LINGO2: variants seen among roughly 807,000 people sequenced by gnomAD.
LINGO2 encodes leucine-rich repeat and immunoglobulin-like domain-containing nogo receptor-interacting protein 2.
LINGO2 carries 14 observed loss-of-function variants against 30.6 expected under a neutral mutation model. That is an observed-to-expected ratio of 0.46 (90% CI 0.30 to 0.72). The LOEUF (loss-of-function observed/expected upper bound fraction) is 0.72, where lower values mean the gene tolerates loss of function less well. Ranked by LOEUF, LINGO2 falls within the 30% of genes least tolerant of loss-of-function variation. LINGO2 has a pLI of 0.07. For synonymous variants in LINGO2, 317 were observed against 288.5 expected (o/e 1.10, Z -1.00); for missense variants, 729 against 751.7 (o/e 0.97, Z 0.35).
chr9:29,052,422 T>C, the LINGO2 span, among the ~76,000 whole-genome samples: 1 of 152,180 alleles, frequency 6.6e-6, no homozygotes, highest in Non-Finnish European at 1.5e-5. Context: ...TGAAGTCACA[T>C]AATAAGCATC....
At chr9:29,164,107 G>GAAA in the LINGO2 span, among the ~76,000 whole-genome samples, 1 of 144,682 alleles carries the variant, frequency 6.9e-6, no homozygotes. Flanking sequence ...CTACATGGAG[G>GAAA]AAAAAAAAAA....
At chr9:28,235,196 T>G (rs1476821569) in intron 4 of LINGO2, among the ~76,000 whole-genome samples, 1 of 152,190 alleles carries the variant, frequency 6.6e-6, no homozygotes, top group Non-Finnish European at 1.5e-5. Flanking sequence ...TCTCTACATT[T>G]GGGAGAAAGT....
At chr9:29,037,730 C>A in the LINGO2 span, among the ~76,000 whole-genome samples, 8 of 151,848 alleles carry the variant, frequency 5.3e-5, no homozygotes, top group Admixed American at 5.3e-4. Flanking sequence ...TATTTTCTTA[C>A]ATTAAAAAGC....
the LINGO2 span, among the ~76,000 whole-genome samples, chr9:28,817,885 T>C: frequency 2.3e-3 from 357 of 152,330 alleles, 1 homozygote; most frequent in Admixed American, 6.9e-3. Flanking sequence ...TACTCACAAG[T>C]TGACTGTTGA....
the LINGO2 span, among the ~76,000 whole-genome samples, chr9:28,882,020 C>T: frequency 2.0e-5 from 3 of 152,146 alleles, no homozygotes; most frequent in Admixed American, 6.6e-5. Context: ...CATTTTAAAT[C>T]TGAAGCACAC....
rs561616983 is a variant in LINGO2 at position 28,629,763 on chromosome 9, A to C, written c.-365+40437T>G. On this transcript the variant is annotated intron_variant, in intron 1 of 5. Coordinates refer to ENST00000379992, the Ensembl canonical transcript of LINGO2. ...GGATACTTTAAAGAAAACTAAGATA[A>C]AAGGCATATAAATGGGTTCAGAAAA... Among the ~76,000 whole-genome samples, 63 of 152,214 alleles carry C rather than the reference A, an allele frequency of 4.1e-4. 1 individual carries two copies. Among genetic ancestry groups the C allele is most frequent in the African/African-American group, 1.5e-3 (61 of 41,544 alleles).
chr9:28,557,279 T>A (rs1042350994), intron 1 of LINGO2, among the ~76,000 whole-genome samples: 102 of 151,776 alleles, frequency 6.7e-4, no homozygotes, highest in Non-Finnish European at 1.1e-3. Flanking sequence ...GAATCTACAA[T>A]GAACTCCAAC....
chr9:28,320,531 C>G (rs1462545799), intron 3 of LINGO2, among the ~76,000 whole-genome samples: 1 of 152,124 alleles, frequency 6.6e-6, no homozygotes, highest in African/African-American at 2.4e-5. Context: ...ATTAGACTTA[C>G]TTATGAATTG....
At chr9:28,676,091 T>C in the LINGO2 span, among the ~76,000 whole-genome samples, 2 of 151,042 alleles carry the variant, frequency 1.3e-5, no homozygotes, top group Non-Finnish European at 3.0e-5. Flanking sequence ...CTTATATTTA[T>C]TTAATATTAC....
At chr9:28,634,167 G>C (rs942882446) in intron 1 of LINGO2, among the ~76,000 whole-genome samples, 11 of 152,262 alleles carry the variant, frequency 7.2e-5, no homozygotes, top group African/African-American at 2.6e-4. Flanking sequence ...GGTCTTACTA[G>C]TTCCCATGAA....
chr9:29,153,287 T>C, the LINGO2 span, among the ~76,000 whole-genome samples: 1 of 152,130 alleles, frequency 6.6e-6, no homozygotes, highest in South Asian at 2.1e-4. Context: ...TTTGCTCATT[T>C]AGCTAGGCCA....
intron 3 of LINGO2, among the ~76,000 whole-genome samples, chr9:28,313,839 C>T (rs529886377): frequency 1.3e-5 from 2 of 152,306 alleles, no homozygotes; most frequent in Middle Eastern, 3.4e-3. Context: ...TTGTATGTGT[C>T]TCTGAAGGGT....
At chr9:29,037,627 T>C in the LINGO2 span, among the ~76,000 whole-genome samples, 1 of 151,992 alleles carries the variant, frequency 6.6e-6, no homozygotes, top group East Asian at 1.9e-4. Context: ...GCATTTCAGC[T>C]CATTTCAGCC....
At chr9:28,085,278 T>C (rs1323407506) in intron 4 of LINGO2, among the ~76,000 whole-genome samples, 1 of 152,158 alleles carries the variant, frequency 6.6e-6, no homozygotes, top group Admixed American at 6.6e-5. Flanking sequence ...GTTTTATCTA[T>C]AACTCCCAAA....
intron 4 of LINGO2, among the ~76,000 whole-genome samples, chr9:28,226,786 C>G (rs1486285894): frequency 3.3e-5 from 5 of 151,976 alleles, no homozygotes; most frequent in African/African-American, 1.2e-4. Context: ...TGCATTTGTC[C>G]AAAGGTCCTT....
At chr9:28,380,468 T>C (rs1213307144) in intron 2 of LINGO2, among the ~76,000 whole-genome samples, 3 of 150,994 alleles carry the variant, frequency 2.0e-5, no homozygotes, top group Non-Finnish European at 2.9e-5. Flanking sequence ...AATTGGTTAA[T>C]GGAAATAGAT....
At chr9:28,243,010 T>C (rs949246816) in intron 4 of LINGO2, among the ~76,000 whole-genome samples, 4 of 152,096 alleles carry the variant, frequency 2.6e-5, no homozygotes, top group African/African-American at 9.7e-5. Context: ...TACTAGCCAC[T>C]GCAAAACACA....
chr9:29,162,708 G>T, the LINGO2 span, among the ~76,000 whole-genome samples: 1 of 152,034 alleles, frequency 6.6e-6, no homozygotes, highest in African/African-American at 2.4e-5. Flanking sequence ...TTGTGATTTG[G>T]ATAAACATCC....
intron 1 of LINGO2, among the ~76,000 whole-genome samples, chr9:28,615,742 G>A (rs941957917): frequency 6.6e-6 from 1 of 152,074 alleles, no homozygotes; most frequent in African/African-American, 2.4e-5. Flanking sequence ...TGTTGGTGAG[G>A]TAATTAAAAA....
Sources: gnomAD v4.1 joint callset for allele counts (sites outside exome capture counted in the v4.1 genomes callset) on GRCh38, gnomAD v4.1.1 for gene constraint, MANE v1.5 for transcripts, NCBI Gene and HGNC (gene_info 2026-07-23, HGNC 2026-07-21) for gene names.